The following SEMA5A variants were observed in gnomAD, a reference collection of about 807,000 sequenced individuals.
The protein encoded by SEMA5A is semaphorin 5A, also known as semaphorin-5A.
In SEMA5A, 55 loss-of-function variants were observed where a neutral mutation model predicts 135.5. The ratio of observed to expected loss-of-function variants is 0.41; its 90% CI spans 0.33 to 0.51. The LOEUF is 0.51. Ranked by LOEUF, SEMA5A falls within the 20% of genes least tolerant of loss-of-function variation. The pLI, the probability that SEMA5A is intolerant of heterozygous loss-of-function variation, is 0.37. For synonymous variants in SEMA5A, 580 were observed against 546.5 expected, an observed-to-expected ratio of 1.06 and a Z score of -0.85; for missense variants, 1,290 against 1,419.9, an observed-to-expected ratio of 0.91 and a Z score of 1.47.
chr5:9,289,160 A>T (rs1362175742), intron 5 of SEMA5A, among the ~76,000 whole-genome samples: 1 of 152,226 alleles, frequency 6.6e-6, no homozygotes, highest in East Asian at 1.9e-4. Context: ...TATATATTAT[A>T]AACACATACA....
rs140316100 is a variant in SEMA5A, at chr5:9,494,780, G to A, written c.-175+50804C>T. On this transcript the variant is annotated intron_variant, in intron 1 of 22. Transcript: ENST00000382496. Reference sequence around the variant, plus strand: ...AGTCAGTGAATAATAAATACCATGGGTTAAATTTAGATATTAGGCAAGAGA... The same window carrying A: ...AGTCAGTGAATAATAAATACCATGGATTAAATTTAGATATTAGGCAAGAGA... Among the ~76,000 whole-genome samples the A allele has an allele frequency of 6.7e-4, 102 of 152,244 alleles. 1 individual carries two copies. The highest frequency in any genetic ancestry group is 2.4e-3 in the African/African-American group (98 of 41,532).
In SEMA5A at chr5:9,158,504, TA is replaced by T. The variant is rs3842073; in HGVS notation, c.1274-3810del. Among the ~76,000 whole-genome samples, 1,086 of 144,730 alleles carry T rather than the reference TA, an allele frequency of 7.5e-3. 7 individuals are homozygous for T. Among genetic ancestry groups the T allele is most frequent in the African/African-American group, 0.015 (588 of 38,006 alleles). The allele number at this position is 144,730 out of a possible 152,430, so 94.9% of individuals were successfully genotyped here. On this transcript the variant is annotated intron_variant, in intron 11 of 22. Coordinates refer to ENST00000382496, the MANE Select transcript of SEMA5A (RefSeq NM_003966.3). The stretch of plus-strand genomic sequence containing the variant: ...TCTTTAACATTCAGAGATCAACAAG[TA>T]AAAAAAAAAAAAAAATAGGCATTTC...
At chr5:9,286,516 G>A (rs1050426950) in intron 5 of SEMA5A, among the ~76,000 whole-genome samples, 10 of 151,964 alleles carry the variant, frequency 6.6e-5, no homozygotes, top group Admixed American at 2.0e-4. Context: ...TTTGGGCAAC[G>A]GATATTTGCA....
intron 11 of SEMA5A, among the ~76,000 whole-genome samples, chr5:9,183,658 G>C (rs10475457): frequency 0.1 from 15,429 of 152,200 alleles, 1,308 homozygotes; most frequent in African/African-American, 0.2. Context: ...TCTGTTGTCT[G>C]AGCTCATTAT....
chr5:9,240,938 C>G (rs1176483050), intron 5 of SEMA5A, among the ~76,000 whole-genome samples: 1 of 152,112 alleles, frequency 6.6e-6, no homozygotes, highest in Non-Finnish European at 1.5e-5. Context: ...TTCATAGTCT[C>G]ATTTCCTGAG....
intron 5 of SEMA5A, among the ~76,000 whole-genome samples, chr5:9,279,095 G>A (rs946308001): frequency 3.3e-5 from 5 of 152,214 alleles, no homozygotes; most frequent in Admixed American, 1.3e-4. Flanking sequence ...GGAACTCAAC[G>A]CCAGCCCATG....
At chr5:9,487,333 T>C (rs1734784923) in intron 1 of SEMA5A, among the ~76,000 whole-genome samples, 4 of 152,178 alleles carry the variant, frequency 2.6e-5, no homozygotes, top group Admixed American at 2.6e-4. Flanking sequence ...TTACTACTAT[T>C]ATCATTTTAT....
chr5:9,349,172 C>T, intron 3 of SEMA5A, among the ~76,000 whole-genome samples: 1 of 151,970 alleles, frequency 6.6e-6, no homozygotes, highest in Non-Finnish European at 1.5e-5. Flanking sequence ...CCCAAGGTGG[C>T]CTCTTTGCCG....
Position 9,051,013 on chromosome 5 carries a change from A to G in SEMA5A, c.2846-556T>C, listed in dbSNP as rs139403008. ...CTCATACATGTTTTAACTCCTGAGG[A>G]TAAAATATCACTCGGTAGTCTAGAA... is the stretch of plus-strand genomic sequence containing the variant. On this transcript the variant is annotated intron_variant, in intron 20 of 22. Coordinates refer to ENST00000382496, the MANE Select transcript of SEMA5A (RefSeq NM_003966.3). Among the ~76,000 whole-genome samples, 491 of 152,352 alleles carry G rather than the reference A, an allele frequency of 3.2e-3. 1 individual carries two copies. Among genetic ancestry groups the G allele is most frequent in the Non-Finnish European group, 4.2e-3 (289 of 68,038 alleles).
intron 16 of SEMA5A, among the ~76,000 whole-genome samples, chr5:9,100,267 G>A (rs907069485): frequency 6.6e-6 from 1 of 152,162 alleles, no homozygotes; most frequent in Non-Finnish European, 1.5e-5. Context: ...ACAAAGCCAG[G>A]TGTAGATGTG....
chr5:9,238,687 A>AG (rs1748041990), intron 5 of SEMA5A, among the ~76,000 whole-genome samples: 1 of 150,788 alleles, frequency 6.6e-6, no homozygotes, highest in Non-Finnish European at 1.5e-5. Context: ...GCGCAAATTG[A>AG]GGCACCTGGG....
rs188168145 is a variant in SEMA5A, at chr5:9,281,212, A to G, written c.270+37160T>C. 3.0e-3 allele frequency among the ~76,000 whole-genome samples: 455 copies of G among 152,328 alleles called. 4 individuals carry two copies. The Middle Eastern group carries it at 0.054, about 18-fold the overall frequency. ...GTATCTTTACTTCTATAGGAATAAAATTTCCATTTTCCCTCTAGCACAGAA... is the reference window on the plus strand; with the variant it reads ...GTATCTTTACTTCTATAGGAATAAAGTTTCCATTTTCCCTCTAGCACAGAA... On this transcript the variant is annotated intron_variant, in intron 5 of 22. Transcript: ENST00000382496.
At chr5:9,531,310 G>A (rs1055962960) in intron 1 of SEMA5A, among the ~76,000 whole-genome samples, 2 of 152,080 alleles carry the variant, frequency 1.3e-5, no homozygotes, top group Admixed American at 1.3e-4. Flanking sequence ...TGGTCTTCAG[G>A]CCACCTACAT....
intron 2 of SEMA5A, among the ~76,000 whole-genome samples, chr5:9,427,992 A>G (rs77808498): frequency 1.4e-4 from 21 of 151,936 alleles, no homozygotes; most frequent in African/African-American, 4.6e-4. Context: ...TATAATTTAC[A>G]TACATGCATT....
At chr5:9,122,092 G>C (rs180759362) in intron 14 of SEMA5A, among the ~76,000 whole-genome samples, 6 of 152,210 alleles carry the variant, frequency 3.9e-5, no homozygotes, top group African/African-American at 1.4e-4. Flanking sequence ...AGGGGATGGA[G>C]AGCAAACAGA....
At chr5:9,207,681 G>C (rs948494670) in intron 8 of SEMA5A, among the ~76,000 whole-genome samples, 1 of 152,132 alleles carries the variant, frequency 6.6e-6, no homozygotes, top group Non-Finnish European at 1.5e-5. Flanking sequence ...CATTGTCACA[G>C]TTTATGTAGA....
At chr5:9,427,287 G>A (rs1757694357) in intron 2 of SEMA5A, among the ~76,000 whole-genome samples, 1 of 151,962 alleles carries the variant, frequency 6.6e-6, no homozygotes, top group Non-Finnish European at 1.5e-5. Flanking sequence ...CTCCAGCCTG[G>A]GTAACAGAGA....
intron 1 of SEMA5A, among the ~76,000 whole-genome samples, chr5:9,491,030 C>A (rs1421772038): frequency 2.0e-5 from 3 of 152,080 alleles, no homozygotes; most frequent in Non-Finnish European, 2.9e-5. Flanking sequence ...TGGGCAAAAA[C>A]AGATAAAATG....
chr5:9,226,290 G>T (rs1747307739), intron 7 of SEMA5A, among the ~76,000 whole-genome samples: 1 of 152,188 alleles, frequency 6.6e-6, no homozygotes, highest in South Asian at 2.1e-4. Context: ...TTCCACGTGT[G>T]TTCTACTGAC....
Sources: gnomAD v4.1 joint callset for allele counts (sites outside exome capture counted in the v4.1 genomes callset) on GRCh38, gnomAD v4.1.1 for gene constraint, MANE v1.5 for transcripts, NCBI Gene and HGNC (gene_info 2026-07-23, HGNC 2026-07-21) for gene names.